TMEM87A: variants seen among roughly 807,000 people sequenced by gnomAD.
TMEM87A encodes Golgi-pH regulating cation channel.
A neutral mutation model predicts 90.0 loss-of-function variants in TMEM87A; 50 were observed. The observed-to-expected ratio is 0.56, with a 90% CI of 0.44 to 0.70. The LOEUF (loss-of-function observed/expected upper bound fraction) is 0.70, where lower values mean the gene tolerates loss of function less well. Among genes scored for constraint, TMEM87A ranks in the 30% least tolerant of loss-of-function variants. TMEM87A has a pLI of 0.00. For synonymous variants in TMEM87A, 226 were observed against 226.7 expected, an observed-to-expected ratio of 1.00 and a Z score of 0.03; for missense variants, 577 against 660.5, an observed-to-expected ratio of 0.87 and a Z score of 1.39.
chr15:42,269,407 T>G (rs1283106652), intron 2 of TMEM87A, among the ~76,000 whole-genome samples: 1 of 152,172 alleles, frequency 6.6e-6, no homozygotes, highest in Non-Finnish European at 1.5e-5. Flanking sequence ...CAACACATTT[T>G]CAAAGGACTC....
chr15:42,227,025 G>A, intron 14 of TMEM87A, 116 bp from the exon 15 acceptor site: 1 of 973,052 alleles, frequency 1.0e-6, no homozygotes, highest in Non-Finnish European at 1.6e-6. Context: ...TGTTTACTAA[G>A]AGCCTGCTAC....
intron 7 of TMEM87A, among the ~76,000 whole-genome samples, chr15:42,242,403 C>A (rs942746039): frequency 6.6e-6 from 1 of 152,084 alleles, no homozygotes; most frequent in Non-Finnish European, 1.5e-5. Context: ...TCTCTTCCAG[C>A]CTTTTCAAAG....
intron 6 of TMEM87A, among the ~76,000 whole-genome samples, chr15:42,248,733 T>A (rs973855405): frequency 6.6e-6 from 1 of 152,166 alleles, no homozygotes; most frequent in Non-Finnish European, 1.5e-5. Flanking sequence ...GGGATAGTGG[T>A]CTAAAATTCT....
chr15:42,222,920 A>G (rs1021672664), intron 15 of TMEM87A, among the ~76,000 whole-genome samples: 5 of 152,178 alleles, frequency 3.3e-5, no homozygotes, highest in South Asian at 2.1e-4. Flanking sequence ...CTTAGGCTAG[A>G]TAAGAATTTG....
At chr15:42,216,259 T>C (rs2050381999) in intron 19 of TMEM87A, among the ~76,000 whole-genome samples, 2 of 152,126 alleles carry the variant, frequency 1.3e-5, no homozygotes, top group African/African-American at 4.8e-5. Context: ...ATTCAACAGG[T>C]ATAAAATTTC....
chr15:42,259,311 CG>C (rs1228132275), intron 6 of TMEM87A, among the ~76,000 whole-genome samples: 1 of 152,042 alleles, frequency 6.6e-6, no homozygotes, highest in Non-Finnish European at 1.5e-5. Flanking sequence ...TTGGTAGAGA[CG>C]GGGTTTCACC....
chr15:42,233,141 C>A, intron 11 of TMEM87A, 72 bp downstream of exon 11: 2 of 1,334,034 alleles, frequency 1.5e-6, no homozygotes, highest in South Asian at 1.3e-5. Context: ...ACAGACATTT[C>A]CAATCCACAC....
At chr15:42,221,819 C>T (rs572086310) in intron 15 of TMEM87A, among the ~76,000 whole-genome samples, 31 of 152,176 alleles carry the variant, frequency 2.0e-4, no homozygotes, top group Admixed American at 5.2e-4. Flanking sequence ...GGTATGACCA[C>T]GGCTCACTGC....
intron 10 of TMEM87A, among the ~76,000 whole-genome samples, chr15:42,235,350 A>C (rs2050752259): frequency 1.3e-5 from 2 of 152,070 alleles, no homozygotes; most frequent in Non-Finnish European, 2.9e-5. Flanking sequence ...CATGACTTTA[A>C]ATAATATCTT....
chr15:42,228,224 TC>T (rs2050630953), intron 13 of TMEM87A, among the ~76,000 whole-genome samples: 3 of 152,168 alleles, frequency 2.0e-5, no homozygotes, highest in Admixed American at 2.0e-4. Flanking sequence ...AAATCAGACC[TC>T]ACTATTCCTG....
At chr15:42,219,458 T>C (rs1595706264) in intron 17 of TMEM87A, 123 bp downstream of exon 17, 5 of 751,424 alleles carry the variant, frequency 6.7e-6, no homozygotes, top group Non-Finnish European at 8.6e-6. Context: ...TGGGGTCATA[T>C]ACAAAAAAAA....
intron 3 of TMEM87A, among the ~76,000 whole-genome samples, chr15:42,265,457 C>T (rs920855137): frequency 4.6e-5 from 7 of 151,742 alleles, no homozygotes; most frequent in African/African-American, 1.5e-4. Context: ...TAATAATCAA[C>T]GATACTGAGC....
chr15:42,214,115 T>C (rs638240), intron 19 of TMEM87A, among the ~76,000 whole-genome samples: 11,962 of 150,768 alleles, frequency 0.079, 1,279 homozygotes, highest in African/African-American at 0.23. Context: ...CATCAAGGAA[T>C]AGAAAATCCG....
At chr15:42,253,339 A>T (rs2051119458) in intron 6 of TMEM87A, among the ~76,000 whole-genome samples, 1 of 152,156 alleles carries the variant, frequency 6.6e-6, no homozygotes, top group Non-Finnish European at 1.5e-5. Context: ...GTTCTCCCAC[A>T]AATCTCCTTT....
chr15:42,244,209 T>G, intron 6 of TMEM87A, 42 bp from the exon 7 acceptor site: 2 of 1,354,396 alleles, frequency 1.5e-6, no homozygotes, highest in Non-Finnish European at 2.0e-6. Context: ...ATCTTAAGAA[T>G]TAAGAGCACA....
At position 42,273,409 on chromosome 15, in the gene TMEM87A, G is replaced by T; in HGVS notation, c.-11C>A. The stretch of plus-strand genomic sequence containing the variant: ...CGCAGCCGCCGCCATCTTCACAGCC[G>T]TGGAGTGCCTACCGAAAGCATTTCA... On this transcript the variant is annotated 5_prime_UTR_variant, in exon 1 of 20. Transcript: ENST00000389834. The T allele has an allele frequency of 6.2e-7, 1 of 1,613,722 alleles. No individual in the cohort carries two copies.
At chr15:42,226,632 C>G in intron 15 of TMEM87A, 174 bp downstream of exon 15, 1 of 602,180 alleles carries the variant, frequency 1.7e-6, no homozygotes, top group Non-Finnish European at 2.9e-6. Flanking sequence ...AGGCTGCATG[C>G]CAAAAATCAT....
chr15:42,247,737 T>C (rs1376688003), intron 6 of TMEM87A, among the ~76,000 whole-genome samples: 1 of 152,200 alleles, frequency 6.6e-6, no homozygotes, highest in Admixed American at 6.5e-5. Context: ...TCCAACTTTG[T>C]TCTCTTTGCT....
chr15:42,218,475 G>A, intron 17 of TMEM87A, 97 bp from the exon 18 acceptor site: 3 of 1,163,790 alleles, frequency 2.6e-6, no homozygotes, highest in Non-Finnish European at 3.7e-6. Flanking sequence ...TCATAATTCT[G>A]TAGTCATACA....
Sources: gnomAD v4.1 joint callset for allele counts (sites outside exome capture counted in the v4.1 genomes callset) on GRCh38, gnomAD v4.1.1 for gene constraint, MANE v1.5 for transcripts, NCBI Gene and HGNC (gene_info 2026-07-23, HGNC 2026-07-21) for gene names.